CPB2: variants seen among roughly 807,000 people sequenced by gnomAD.
CPB2 encodes the protein carboxypeptidase B-like protein.
CPB2 carries 54 observed loss-of-function variants against 57.0 expected under a neutral mutation model. That is an observed-to-expected ratio of 0.95 (90% confidence interval 0.76 to 1.19). The LOEUF (loss-of-function observed/expected upper bound fraction) is 1.19. Ranked by LOEUF, CPB2 falls within the 50% of genes most tolerant of loss-of-function variation. CPB2 has a pLI of 0.00. For synonymous variants in CPB2, 189 were observed against 178.1 expected (o/e 1.06, Z -0.49); for missense variants, 426 against 512.0 (o/e 0.83, Z 1.62).
Position 46,100,079 on chromosome 13 carries a change from A to T in CPB2, c.74+4857T>A, listed in dbSNP as rs972851643. 8 of 151,256 alleles carry T rather than the reference A, an allele frequency of 5.3e-5. No individual in the cohort carries two copies. The East Asian group carries it at 5.8e-4, about 11-fold the overall frequency. The allele number at this position is 151,256 out of a possible 1,614,324, so 9.4% of individuals were successfully genotyped here. On this transcript the variant is annotated intron_variant, in intron 1 of 10. Transcript: ENST00000181383. The stretch of plus-strand genomic sequence containing the variant: ...AATGTTGAGTGGGCAGTATTAAATT[A>T]AAAAAAAACCTAATGTATTAAAGAA...
chr13:46,069,449 A>T (rs898481689), intron 6 of CPB2, among the ~76,000 whole-genome samples: 1 of 152,146 alleles, frequency 6.6e-6, no homozygotes, highest in Non-Finnish European at 1.5e-5. Context: ...GGAACATTTC[A>T]TCATAAAAAA....
rs995205722 is a variant in CPB2 at position 46,084,258 on chromosome 13, T to A, written c.236A>T (p.Asn79Ile). 1.2e-6 allele frequency: 2 copies of A among 1,614,090 alleles called. No individual in the cohort carries two copies. Among genetic ancestry groups the A allele is most frequent in the Non-Finnish European group, 1.7e-6 (2 of 1,180,032 alleles). Residue 79 changes from asparagine (N) to isoleucine (I), a missense_variant, in exon 3 of 11, where the codon AAT becomes ATT. Coordinates refer to ENST00000181383, the MANE Select transcript of CPB2 (RefSeq NM_001872.5). The stretch of plus-strand genomic sequence containing the variant: ...GCTCACATTTAAATGGGCTTTCACA[T>A]TGTCGACATCAGATGCATTTACAAA... ...HFFVNASDVD[N>I]VKAHLNVSGI...
At chr13:46,060,183 C>T (rs1335779086) in intron 8 of CPB2, among the ~76,000 whole-genome samples, 1 of 152,086 alleles carries the variant, frequency 6.6e-6, no homozygotes, top group African/African-American at 2.4e-5. Context: ...AAAAAGAAGG[C>T]CAGGCACGGT....
At chr13:46,089,960 G>T (rs1355598711) in intron 1 of CPB2, among the ~76,000 whole-genome samples, 1 of 152,114 alleles carries the variant, frequency 6.6e-6, no homozygotes, top group Non-Finnish European at 1.5e-5. Context: ...GCTGTTTCAG[G>T]TTTTATTAGT....
intron 1 of CPB2, chr13:46,098,436 A>C (rs2045393836): frequency 6.6e-6 from 1 of 152,220 alleles, no homozygotes; most frequent in African/African-American, 2.4e-5. Context: ...AGTTGATCTC[A>C]AAGCTTATTT....
At chr13:46,096,379 T>G (rs2045366483) in intron 1 of CPB2, 2 of 152,358 alleles carry the variant, frequency 1.3e-5, no homozygotes, top group African/African-American at 4.8e-5. Flanking sequence ...CTTGCACAGC[T>G]AATCCCATCT....
chr13:46,077,825 A>G (rs1394228657), intron 5 of CPB2, among the ~76,000 whole-genome samples: 1 of 152,196 alleles, frequency 6.6e-6, no homozygotes, highest in Non-Finnish European at 1.5e-5. Context: ...ATGCCCTGAA[A>G]TAAGCTATGT....
At chr13:46,069,239 A>G (rs1400561133) in intron 6 of CPB2, among the ~76,000 whole-genome samples, 3 of 152,232 alleles carry the variant, frequency 2.0e-5, no homozygotes, top group Non-Finnish European at 4.4e-5. Context: ...GAGGGCTGAA[A>G]TACAGTCTGT....
chr13:46,069,959 T>G (rs1218925329), intron 6 of CPB2, among the ~76,000 whole-genome samples: 1 of 152,208 alleles, frequency 6.6e-6, no homozygotes. Flanking sequence ...AAATATTTGT[T>G]GAAGGTACGA....
At chr13:46,068,649 C>G (rs903801051) in intron 6 of CPB2, among the ~76,000 whole-genome samples, 1 of 152,064 alleles carries the variant, frequency 6.6e-6, no homozygotes. Flanking sequence ...CCCATCAACC[C>G]GTCATCTACA....
chr13:46,091,020 G>A (rs906260880), intron 1 of CPB2, among the ~76,000 whole-genome samples: 9 of 152,112 alleles, frequency 5.9e-5, no homozygotes, highest in African/African-American at 1.2e-4. Flanking sequence ...CACCGTGCCC[G>A]GCTGCACATT....
chr13:46,094,318 A>G (rs2045335608), intron 1 of CPB2, among the ~76,000 whole-genome samples: 1 of 152,188 alleles, frequency 6.6e-6, no homozygotes, highest in South Asian at 2.1e-4. Context: ...CTACCCTAAC[A>G]GCATGTTTGT....
intron 6 of CPB2, among the ~76,000 whole-genome samples, chr13:46,069,949 A>G (rs2044913535): frequency 6.6e-6 from 1 of 152,226 alleles, no homozygotes; most frequent in Admixed American, 6.5e-5. Flanking sequence ...GACGACAAAT[A>G]AATATTTGTT....
At chr13:46,080,971 C>CAA (rs11412601) in intron 4 of CPB2, among the ~76,000 whole-genome samples, 2,773 of 97,834 alleles carry the variant, frequency 0.028, 148 homozygotes, top group African/African-American at 0.088. Flanking sequence ...AACTCTGTCT[C>CAA]AAAAAAAAAA....
At chr13:46,070,479 A>G (rs914224469) in intron 6 of CPB2, among the ~76,000 whole-genome samples, 2 of 152,144 alleles carry the variant, frequency 1.3e-5, no homozygotes, top group Non-Finnish European at 2.9e-5. Context: ...CCTGTGGTCA[A>G]TGATTACTCA....
At chr13:46,062,114 C>T (rs916595672) in intron 8 of CPB2, among the ~76,000 whole-genome samples, 2 of 150,798 alleles carry the variant, frequency 1.3e-5, no homozygotes, top group Non-Finnish European at 2.9e-5. Context: ...CAATATAGCA[C>T]CATGCCCAAG....
chr13:46,058,465 A>AG, intron 8 of CPB2, 84 bp from the exon 9 acceptor site: 1 of 1,153,868 alleles, frequency 8.7e-7, no homozygotes, highest in African/African-American at 1.5e-5. Context: ...GTATTCTCCT[A>AG]CCTATGTTGC....
chr13:46,092,031 C>G (rs1209202851), intron 1 of CPB2, among the ~76,000 whole-genome samples: 4 of 152,010 alleles, frequency 2.6e-5, no homozygotes, highest in African/African-American at 9.7e-5. Context: ...CAGCTCTGAG[C>G]CCCCCCTTTT....
intron 1 of CPB2, among the ~76,000 whole-genome samples, chr13:46,088,760 G>A (rs899596154): frequency 5.3e-5 from 8 of 152,098 alleles, no homozygotes; most frequent in Non-Finnish European, 1.0e-4. Flanking sequence ...TATTAATGAA[G>A]TACAGTTGTT....
Sources: allele counts gnomAD v4.1 joint callset (sites outside exome capture counted in the v4.1 genomes callset), GRCh38; gene constraint gnomAD v4.1.1; transcripts MANE v1.5; gene names NCBI Gene and HGNC (gene_info 2026-07-23, HGNC 2026-07-21).